The following KAZN variants were observed in gnomAD, a reference collection of about 807,000 sequenced individuals.
The protein encoded by KAZN is kazrin.
Under a neutral mutation model 87.4 loss-of-function variants are expected in KAZN, and 40 were observed. The observed-to-expected ratio is 0.46, with a 90% CI of 0.36 to 0.60. The LOEUF is 0.60. KAZN is among the 20% of genes least tolerant of loss of function. The pLI is 0.00. For synonymous variants in KAZN, 466 were observed against 458.3 expected, an observed-to-expected ratio of 1.02 and a Z score of -0.22; for missense variants, 898 against 1,073.9, an observed-to-expected ratio of 0.84 and a Z score of 2.29.
At chr1:14,334,277 A>G (rs972637456) in intron 2 of KAZN, among the ~76,000 whole-genome samples, 2 of 146,506 alleles carry the variant, frequency 1.4e-5, no homozygotes, top group African/African-American at 5.1e-5. Flanking sequence ...AGGCAGGAGA[A>G]TCGCTCAAAC....
chr1:14,365,326 TG>T (rs1659885585), intron 2 of KAZN, among the ~76,000 whole-genome samples: 1 of 147,190 alleles, frequency 6.8e-6, no homozygotes, highest in Non-Finnish European at 1.5e-5. Flanking sequence ...GGATTACAGG[TG>T]TGAGCCACCG....
intron 1 of KAZN, among the ~76,000 whole-genome samples, chr1:13,976,600 G>T (rs1309113372): frequency 6.6e-6 from 1 of 151,902 alleles, no homozygotes; most frequent in Admixed American, 6.6e-5. Flanking sequence ...TATTTTAAAG[G>T]TTCATTAGGC....
chr1:14,187,157 A>T (rs1646326098), intron 2 of KAZN, among the ~76,000 whole-genome samples: 1 of 152,152 alleles, frequency 6.6e-6, no homozygotes. Context: ...AGCCCGTCGC[A>T]AAGAAGGAGT....
At chr1:14,584,854 G>A (rs988214777) in intron 2 of KAZN, among the ~76,000 whole-genome samples, 2 of 152,150 alleles carry the variant, frequency 1.3e-5, no homozygotes, top group African/African-American at 4.8e-5. Context: ...CATTGGTCAG[G>A]CTGGTCTCAA....
At position 14,249,275 on chromosome 1, in the gene KAZN, C is replaced by T. The variant is rs568314862; in HGVS notation, c.249+68683C>T. 8.8e-4 allele frequency among the ~76,000 whole-genome samples: 134 copies of T among 152,250 alleles called. 1 individual carries two copies. The highest frequency in any genetic ancestry group is 3.0e-3 in the African/African-American group (126 of 41,546). On this transcript the variant is annotated intron_variant, in intron 2 of 16. Coordinates refer to the KAZN transcript ENST00000636203. ...GTTTCAGCTCTAAAAGTTGATTATT[C>T]GGTAAAACTCCAAAACTAATTCCTG...
At chr1:14,099,968 TTCTC>T (rs1644213585) in intron 1 of KAZN, among the ~76,000 whole-genome samples, 1 of 147,394 alleles carries the variant, frequency 6.8e-6, no homozygotes, top group African/African-American at 2.7e-5. Flanking sequence ...TCCCTTCTCT[TTCTC>T]TCTCTCCTGA....
At chr1:14,221,739 G>A (rs1180416362) in intron 2 of KAZN, among the ~76,000 whole-genome samples, 1 of 152,184 alleles carries the variant, frequency 6.6e-6, no homozygotes, top group African/African-American at 2.4e-5. Context: ...AGGGGATGAG[G>A]TGGGAAGAAG....
intron 1 of KAZN, among the ~76,000 whole-genome samples, chr1:14,770,567 G>A (rs1644993886): frequency 1.3e-5 from 2 of 152,136 alleles, no homozygotes; most frequent in East Asian, 3.9e-4. Context: ...TAGACTATGT[G>A]TGAATATCTT....
At chr1:13,985,736 A>G (rs1219783464) in intron 1 of KAZN, among the ~76,000 whole-genome samples, 4 of 151,910 alleles carry the variant, frequency 2.6e-5, no homozygotes, top group Non-Finnish European at 5.9e-5. Context: ...ATTTCTATTG[A>G]TTTGTGTATT....
chr1:13,970,877 T>C (rs1642112945), intron 1 of KAZN, among the ~76,000 whole-genome samples: 1 of 152,218 alleles, frequency 6.6e-6, no homozygotes, highest in South Asian at 2.1e-4. Flanking sequence ...CCAATCAAAA[T>C]ACTCAATAAT....
intron 2 of KAZN, among the ~76,000 whole-genome samples, chr1:14,346,331 A>G (rs1658105429): frequency 6.6e-6 from 1 of 152,190 alleles, no homozygotes; most frequent in Non-Finnish European, 1.5e-5. Context: ...TGCAGCTTTC[A>G]GGGGATGACT....
chr1:14,048,395 CTT>C (rs34631391), intron 1 of KAZN, among the ~76,000 whole-genome samples: 21,317 of 145,598 alleles, frequency 0.15, 1,857 homozygotes, highest in Middle Eastern at 0.25. Flanking sequence ...TAAAATACTT[CTT>C]TTTTTTTTTT....
chr1:14,581,350 G>A (rs991636042), intron 2 of KAZN, among the ~76,000 whole-genome samples: 1 of 152,074 alleles, frequency 6.6e-6, no homozygotes, highest in Non-Finnish European at 1.5e-5. Flanking sequence ...CATTTAGCCT[G>A]TCAGCAAAAC....
At chr1:14,644,202 G>C (rs1291337980) in intron 1 of KAZN, among the ~76,000 whole-genome samples, 1 of 150,862 alleles carries the variant, frequency 6.6e-6, no homozygotes, top group Non-Finnish European at 1.5e-5. Flanking sequence ...ATTAGAGATG[G>C]GGTTTCACCA....
intron 1 of KAZN, among the ~76,000 whole-genome samples, chr1:14,763,389 C>A (rs1441328884): frequency 6.6e-6 from 1 of 152,218 alleles, no homozygotes; most frequent in African/African-American, 2.4e-5. Flanking sequence ...GGATCCCACT[C>A]ACCTGTGTTC....
At chr1:14,133,091 A>G (rs1227291442) in intron 1 of KAZN, among the ~76,000 whole-genome samples, 4 of 152,138 alleles carry the variant, frequency 2.6e-5, no homozygotes. Flanking sequence ...GGATTTGGCT[A>G]GGCGCAGTGG....
At chr1:15,082,542 G>A (rs763424657) in intron 8 of KAZN, among the ~76,000 whole-genome samples, 21 of 152,244 alleles carry the variant, frequency 1.4e-4, no homozygotes, top group Non-Finnish European at 2.8e-4. Flanking sequence ...CTTTCCCATA[G>A]CTGCTGCCAA....
Position 14,773,050 on chromosome 1 carries a change from G to A in KAZN, c.226+173827G>A, listed in dbSNP as rs1462193381. 6.6e-6 allele frequency among the ~76,000 whole-genome samples: 1 copy of A among 152,132 alleles called. No homozygotes were observed. The highest frequency in any genetic ancestry group is 1.5e-5 in the Non-Finnish European group (1 of 68,024). On this transcript the variant is annotated intron_variant, in intron 1 of 14. Coordinates refer to ENST00000376030, the MANE Select transcript of KAZN (RefSeq NM_201628.3). The surrounding 1 kb of genome is among the most constrained non-coding windows in gnomAD (Gnocchi z 5.9). ...GGCGGCCTCTTCATGGGGGTCTCAG[G>A]AAATGGGCATTTGAGGGTCAGGTGG...
At chr1:13,904,184 G>A (rs933827212) in intron 1 of KAZN, among the ~76,000 whole-genome samples, 9 of 152,310 alleles carry the variant, frequency 5.9e-5, no homozygotes, top group East Asian at 1.9e-4. Flanking sequence ...GCAGAAGGCC[G>A]GGCGAGGAGG....
Sources: gnomAD v4.1 joint callset for allele counts (sites outside exome capture counted in the v4.1 genomes callset) on GRCh38, gnomAD v4.1.1 for gene constraint, Gnocchi (gnomAD v3.1) non-coding constraint, MANE v1.5 for transcripts, NCBI Gene and HGNC (gene_info 2026-07-23, HGNC 2026-07-21) for gene names.